Variants in DIS3L2 observed in about 807,000 individuals in gnomAD.
The protein encoded by DIS3L2 is DIS3-like exonuclease 2.
A neutral mutation model predicts 97.5 loss-of-function variants in DIS3L2; 34 were observed. That is an observed-to-expected ratio of 0.35 (90% confidence interval 0.27 to 0.46). The LOEUF (loss-of-function observed/expected upper bound fraction) is 0.46. Among genes scored for constraint, DIS3L2 ranks in the 20% least tolerant of loss-of-function variants. The pLI, the probability that DIS3L2 is intolerant of heterozygous loss-of-function variation, is 1.00. For synonymous variants in DIS3L2, 435 were observed against 445.2 expected, an observed-to-expected ratio of 0.98 and a Z score of 0.29; for missense variants, 1,038 against 1,146.0, an observed-to-expected ratio of 0.91 and a Z score of 1.36.
chr2:231,976,861 G>A (rs1693112431), intron 1 of DIS3L2, among the ~76,000 whole-genome samples: 1 of 146,714 alleles, frequency 6.8e-6, no homozygotes, highest in African/African-American at 2.5e-5. Context: ...TCCGCCTCCC[G>A]GGTTGATGCC....
chr2:232,070,068 A>G (rs937402194), intron 5 of DIS3L2, among the ~76,000 whole-genome samples: 1 of 152,224 alleles, frequency 6.6e-6, no homozygotes, highest in African/African-American at 2.4e-5. Context: ...GCAACCACCC[A>G]TGTACAAGGT....
At chr2:232,004,790 C>T (rs2106208331) in intron 1 of DIS3L2, among the ~76,000 whole-genome samples, 1 of 152,234 alleles carries the variant, frequency 6.6e-6, no homozygotes, top group African/African-American at 2.4e-5. Flanking sequence ...CCATGTTGGC[C>T]AGGCTGCTCT....
rs11679811 is a variant in DIS3L2 at position 232,171,793 on chromosome 2, C to T, written c.1124+8161C>T. 2.9e-3 allele frequency among the ~76,000 whole-genome samples: 435 copies of T among 152,212 alleles called. 1 individual carries two copies. The highest frequency in any genetic ancestry group is 4.7e-3 in the Non-Finnish European group (323 of 68,020). ...CCCTAAAGTAGATACACAACTGGAC[C>T]TTCTTAATTGTAAGTATTTAGTACT... On this transcript the variant is annotated intron_variant, in intron 9 of 20. Coordinates refer to ENST00000325385, the MANE Select transcript of DIS3L2 (RefSeq NM_152383.5).
At chr2:232,154,765 A>G (rs1218914925) in intron 8 of DIS3L2, among the ~76,000 whole-genome samples, 1 of 148,816 alleles carries the variant, frequency 6.7e-6, no homozygotes, top group East Asian at 2.0e-4. Context: ...TGTTTACCTA[A>G]GCAAGCCTGG....
At chr2:232,207,717 G>C (rs1692069534) in intron 9 of DIS3L2, among the ~76,000 whole-genome samples, 1 of 152,042 alleles carries the variant, frequency 6.6e-6, no homozygotes, top group African/African-American at 2.4e-5. Context: ...TTTTCTTAGT[G>C]TCCAGTAGGG....
At chr2:232,341,889 C>T (rs1041762584), downstream of DIS3L2, among the ~76,000 whole-genome samples, 1 of 152,216 alleles carries the variant, frequency 6.6e-6, no homozygotes, top group Non-Finnish European at 1.5e-5. Context: ...GGGGCCCACT[C>T]TCAGCCCACA....
intron 8 of DIS3L2, among the ~76,000 whole-genome samples, chr2:232,145,490 A>G (rs185260374): frequency 1.3e-5 from 2 of 152,304 alleles, no homozygotes; most frequent in Non-Finnish European, 2.9e-5. Context: ...TCTAATCTGT[A>G]TGACTTTTAT....
intron 14 of DIS3L2, among the ~76,000 whole-genome samples, chr2:232,319,750 G>A (rs925365332): frequency 2.0e-5 from 3 of 152,192 alleles, no homozygotes; most frequent in Admixed American, 6.5e-5. Flanking sequence ...GATAAACAGG[G>A]CTGCCCTCTG....
intron 1 of DIS3L2, among the ~76,000 whole-genome samples, chr2:231,991,751 G>A (rs1693590240): frequency 6.6e-6 from 1 of 152,176 alleles, no homozygotes; most frequent in Non-Finnish European, 1.5e-5. Flanking sequence ...TGTGTACCCT[G>A]TGGGCATGGT....
intron 1 of DIS3L2, among the ~76,000 whole-genome samples, chr2:231,989,019 G>A (rs1402078287): frequency 6.6e-6 from 1 of 152,170 alleles, no homozygotes; most frequent in Non-Finnish European, 1.5e-5. Flanking sequence ...TGGCCACGTG[G>A]ATGAGCTTTG....
At chr2:232,282,941 T>G (rs1694333890) in intron 13 of DIS3L2, among the ~76,000 whole-genome samples, 1 of 152,238 alleles carries the variant, frequency 6.6e-6, no homozygotes, top group African/African-American at 2.4e-5. Context: ...ATCCCCAGGT[T>G]GTTTCCATCC....
At chr2:231,994,396 G>T (rs1340572808) in intron 1 of DIS3L2, among the ~76,000 whole-genome samples, 1 of 151,842 alleles carries the variant, frequency 6.6e-6, no homozygotes, top group Non-Finnish European at 1.5e-5. Flanking sequence ...TTTAAGATAA[G>T]CTTGTCTGTA....
Position 232,334,380 on chromosome 2 carries a change from C to A in DIS3L2, c.2170C>A (p.Arg724=). 1 of 1,613,486 alleles carries A rather than the reference C, an allele frequency of 6.2e-7. No homozygotes were observed. Among genetic ancestry groups the A allele is most frequent in the Non-Finnish European group, 8.5e-7 (1 of 1,179,952 alleles). Residue 724 remains arginine, a synonymous_variant, in exon 18 of 21, where the codon CGA becomes AGA. Coordinates refer to ENST00000325385, the MANE Select transcript of DIS3L2 (RefSeq NM_152383.5). ...LLAAALGYRE[R]LDMAPDTLQK... is the part of the protein sequence containing the mutation. The stretch of plus-strand genomic sequence containing the variant: ...CCCCCTCTTCCCAGGCTATAGGGAG[C>A]GACTAGACATGGCGCCCGATACCCT...
intron 9 of DIS3L2, among the ~76,000 whole-genome samples, chr2:232,191,932 C>T (rs1056194533): frequency 3.9e-5 from 6 of 152,122 alleles, no homozygotes; most frequent in Non-Finnish European, 8.8e-5. Context: ...TCTTGAATGT[C>T]TGTCAGACCT....
intron 1 of DIS3L2, among the ~76,000 whole-genome samples, chr2:232,007,315 T>A (rs1017462920): frequency 6.6e-6 from 1 of 151,848 alleles, no homozygotes; most frequent in African/African-American, 2.4e-5. Context: ...GAAGAGTGAG[T>A]CCATATAGGA....
chr2:231,962,974 G>T (rs1692611632), intron 1 of DIS3L2, among the ~76,000 whole-genome samples: 1 of 147,846 alleles, frequency 6.8e-6, no homozygotes, highest in Non-Finnish European at 1.5e-5. Flanking sequence ...TTTTTTTCCA[G>T]TCCACCATTG....
At chr2:232,007,703 T>C (rs1356090638) in intron 1 of DIS3L2, among the ~76,000 whole-genome samples, 5 of 152,324 alleles carry the variant, frequency 3.3e-5, no homozygotes, top group African/African-American at 7.2e-5. Flanking sequence ...TTAGATGAAA[T>C]TGAGAAATTC....
At chr2:232,142,926 A>C (rs752137701) in intron 8 of DIS3L2, among the ~76,000 whole-genome samples, 5 of 152,186 alleles carry the variant, frequency 3.3e-5, no homozygotes, top group Admixed American at 6.5e-5. Context: ...GTTTGCATGG[A>C]GTTTCCAACA....
intron 12 of DIS3L2, chr2:232,259,715 C>T (rs1421397302): frequency 6.6e-6 from 1 of 152,160 alleles, no homozygotes; most frequent in Non-Finnish European, 1.5e-5. Context: ...ACCTCCCAGA[C>T]TCAAGCAATT....
Sources: allele counts gnomAD v4.1 joint callset (sites outside exome capture counted in the v4.1 genomes callset), GRCh38; gene constraint gnomAD v4.1.1; transcripts MANE v1.5; gene names NCBI Gene and HGNC (gene_info 2026-07-23, HGNC 2026-07-21).